Variants in PACS1 observed in about 807,000 individuals in gnomAD.
The protein encoded by PACS1 is phosphofurin acidic cluster sorting protein 1.
Under a neutral mutation model 115.0 loss-of-function variants are expected in PACS1, and 24 were observed. The ratio of observed to expected loss-of-function variants is 0.21; its 90% confidence interval spans 0.15 to 0.29. The LOEUF is 0.29. Ranked by LOEUF, PACS1 falls within the 10% of genes least tolerant of loss-of-function variation. PACS1 has a pLI of 1.00. For missense variants in PACS1, 838 were observed against 1,251.2 expected (o/e 0.67, Z 4.98); for synonymous variants, 453 against 504.5 (o/e 0.90, Z 1.37).
At chr11:66,136,695 A>G (rs1415954523) in intron 1 of PACS1, among the ~76,000 whole-genome samples, 1 of 152,028 alleles carries the variant, frequency 6.6e-6, no homozygotes, top group Non-Finnish European at 1.5e-5. Flanking sequence ...GAGTGCTTCC[A>G]CTGAACAAGA....
intron 1 of PACS1, among the ~76,000 whole-genome samples, chr11:66,192,941 A>G (rs1279717382): frequency 6.6e-6 from 1 of 152,150 alleles, no homozygotes; most frequent in East Asian, 1.9e-4. Flanking sequence ...CCATTTAACT[A>G]TTTCCTGCCA....
At chr11:66,229,372 G>C (rs1210872377) in intron 11 of PACS1, among the ~76,000 whole-genome samples, 1 of 152,064 alleles carries the variant, frequency 6.6e-6, no homozygotes, top group Non-Finnish European at 1.5e-5. Flanking sequence ...CTGTGCAAGA[G>C]AGCAAGACCC....
chr11:66,122,656 T>G (rs963169778), intron 1 of PACS1, among the ~76,000 whole-genome samples: 3 of 152,174 alleles, frequency 2.0e-5, no homozygotes, highest in Non-Finnish European at 4.4e-5. Flanking sequence ...TTCAAGGTGC[T>G]CACGACTTCA....
At chr11:66,089,545 CT>C (rs1382548534) in intron 1 of PACS1, among the ~76,000 whole-genome samples, 2 of 152,132 alleles carry the variant, frequency 1.3e-5, no homozygotes, top group Non-Finnish European at 2.9e-5. Context: ...TTAAATCCTT[CT>C]TTTAGCAATT....
At chr11:66,220,833 C>G (rs1259986645) in intron 9 of PACS1, 42 bp downstream of exon 9, 16 of 1,598,742 alleles carry the variant, frequency 1.0e-5, no homozygotes, top group Non-Finnish European at 1.4e-5. Context: ...ACTCTCCTTC[C>G]TGGCCATAGC....
In PACS1 at chr11:66,171,470, A is replaced by G. The variant is rs1859735634; in HGVS notation, c.357-22016A>G. Among the ~76,000 whole-genome samples the G allele has an allele frequency of 4.7e-5, 7 of 148,496 alleles. No individual in the cohort carries two copies. In the South Asian group the frequency reaches 1.5e-3, roughly 32 times the overall value. ...TCTGCCATCTTAACTTATGCTTTCT[A>G]TTTGTTCTTTTTTTGGGGGGGCGGT... is the stretch of plus-strand genomic sequence containing the variant. On this transcript the variant is annotated intron_variant, in intron 1 of 23. Coordinates refer to ENST00000320580, the MANE Select transcript of PACS1 (RefSeq NM_018026.4).
At position 66,070,355 on chromosome 11, in the gene PACS1, A is replaced by AGCTCGCTGGCT. The variant is rs1288728862; in HGVS notation, c.-125_-115dup. ...GCCCAGAGGCCCCGCGCGTGCGTGC[A>AGCTCGCTGGCT]GCTCGCTGGCTGCTCGCGCTCGGGC... On this transcript the variant is annotated 5_prime_UTR_variant, in exon 1 of 24. Transcript: ENST00000320580. This position sits in a 1 kb window ranked among gnomAD's most constrained non-coding sequence, Gnocchi z 5.9. 5.0e-6 allele frequency: 2 copies of AGCTCGCTGGCT among 403,158 alleles called. No individual in the cohort carries two copies. The highest frequency in any genetic ancestry group is 7.6e-6 in the Non-Finnish European group (2 of 263,204). The allele number at this position is 403,158 out of a possible 1,614,324, so 25.0% of individuals were successfully genotyped here.
At chr11:66,191,408 G>A (rs1854519366) in intron 1 of PACS1, among the ~76,000 whole-genome samples, 1 of 152,172 alleles carries the variant, frequency 6.6e-6, no homozygotes, top group Non-Finnish European at 1.5e-5. Context: ...AGGTTTTGGG[G>A]ATTAGGAGAT....
intron 2 of PACS1, among the ~76,000 whole-genome samples, chr11:66,200,792 G>A (rs751498634): frequency 2.0e-5 from 3 of 151,808 alleles, no homozygotes; most frequent in Admixed American, 6.6e-5. Flanking sequence ...TAGACCAAAT[G>A]GACCGAATAG....
intron 2 of PACS1, among the ~76,000 whole-genome samples, chr11:66,200,277 G>A (rs996135180): frequency 1.3e-5 from 2 of 152,132 alleles, no homozygotes; most frequent in African/African-American, 2.4e-5. Flanking sequence ...CTTGAGCTCA[G>A]GAGGTTAAGG....
Position 66,232,946 on chromosome 11 carries a change from C to A in PACS1, c.1732-14C>A, listed in dbSNP as rs772623452. 3.3e-4 allele frequency: 521 copies of A among 1,595,906 alleles called. 1 individual carries two copies. The highest frequency in any genetic ancestry group is 4.0e-4 in the Non-Finnish European group (467 of 1,164,738). On this transcript the variant is annotated splice_polypyrimidine_tract_variant and intron_variant, in intron 14 of 23. Coordinates refer to ENST00000320580, the MANE Select transcript of PACS1 (RefSeq NM_018026.4). The stretch of plus-strand genomic sequence containing the variant: ...TCTCACCTGTGTCCCTGCTCTCCTC[C>A]CTCCCTATCCCAGTATGTGGCTGAG...
chr11:66,098,827 C>T (rs984529247), intron 1 of PACS1, among the ~76,000 whole-genome samples: 2 of 152,100 alleles, frequency 1.3e-5, no homozygotes, highest in African/African-American at 4.8e-5. Flanking sequence ...ATAGTATTTC[C>T]TTATGACCAA....
intron 1 of PACS1, among the ~76,000 whole-genome samples, chr11:66,119,275 CAT>C (rs1345812353): frequency 6.6e-6 from 1 of 152,290 alleles, no homozygotes; most frequent in African/African-American, 2.4e-5. Flanking sequence ...TATTTTGTGA[CAT>C]GTGAAAATTA....
intron 1 of PACS1, among the ~76,000 whole-genome samples, chr11:66,078,891 T>C (rs1164822866): frequency 1.3e-5 from 2 of 152,196 alleles, no homozygotes; most frequent in Admixed American, 1.3e-4. Context: ...GAAGGCGTTT[T>C]TTCTTTTCAG....
intron 10 of PACS1, 45 bp from the exon 11 acceptor site, chr11:66,227,459 G>C (rs751413174): frequency 1.9e-6 from 2 of 1,053,420 alleles, no homozygotes. Flanking sequence ...AATTAAAGTG[G>C]TAGTTATTTG....
chr11:66,219,500 CAG>C lies in PACS1; in HGVS notation c.979-245_979-244del, dbSNP rs779077869. 5.8e-4 allele frequency: 375 copies of C among 643,150 alleles called. 4 individuals carry two copies. Among genetic ancestry groups the C allele is most frequent in the South Asian group, 3.4e-3 (223 of 64,962 alleles). The allele number at this position is 643,150 out of a possible 1,614,324, so 39.8% of individuals were successfully genotyped here. On this transcript the variant is annotated intron_variant, in intron 7 of 23. Transcript: ENST00000320580. ...CCCACATTTGGGAGGTGTTGGGGCA[CAG>C]GGGGGTGGAGGACCTGGGGATAGAC...
At chr11:66,105,540 A>AT (rs1858018800) in intron 1 of PACS1, among the ~76,000 whole-genome samples, 2 of 152,202 alleles carry the variant, frequency 1.3e-5, no homozygotes, top group Non-Finnish European at 2.9e-5. Flanking sequence ...ATGGACAAAG[A>AT]CTGGAAGATA....
chr11:66,193,236 C>G (rs1243638663), intron 1 of PACS1, among the ~76,000 whole-genome samples: 2 of 152,176 alleles, frequency 1.3e-5, no homozygotes, highest in African/African-American at 4.8e-5. Context: ...CCCAGCTACT[C>G]AGGAGGCCAA....
At chr11:66,200,325 T>C (rs1854756793) in intron 2 of PACS1, among the ~76,000 whole-genome samples, 1 of 152,204 alleles carries the variant, frequency 6.6e-6, no homozygotes, top group African/African-American at 2.4e-5. Context: ...CACTCCACCT[T>C]GGGCAACAGA....
Sources: allele counts gnomAD v4.1 joint callset (sites outside exome capture counted in the v4.1 genomes callset), GRCh38; gene constraint gnomAD v4.1.1; non-coding constraint Gnocchi (gnomAD v3.1); transcripts MANE v1.5; gene names NCBI Gene and HGNC (gene_info 2026-07-23, HGNC 2026-07-21).